Variants in KPNA4 observed in about 807,000 individuals in gnomAD.
The protein encoded by KPNA4 is karyopherin subunit alpha 4.
KPNA4 carries 13 observed loss-of-function variants against 71.3 expected under a neutral mutation model. The observed-to-expected ratio is 0.18, with a 90% CI of 0.12 to 0.29. The LOEUF is 0.29. KPNA4 is among the 10% of genes least tolerant of loss of function. KPNA4 has a pLI of 1.00. For missense variants in KPNA4, 334 were observed against 603.2 expected, an observed-to-expected ratio of 0.55 and a Z score of 4.67; for synonymous variants, 189 against 195.2, an observed-to-expected ratio of 0.97 and a Z score of 0.26.
intron 5 of KPNA4, among the ~76,000 whole-genome samples, chr3:160,531,799 C>CT (rs113970716): frequency 2.3e-4 from 33 of 146,630 alleles, no homozygotes; most frequent in Admixed American, 5.5e-4. Flanking sequence ...ACTTTACTAC[C>CT]TTTTTTTTTT....
At chr3:160,549,193 T>C (rs1721989560) in intron 1 of KPNA4, among the ~76,000 whole-genome samples, 1 of 152,224 alleles carries the variant, frequency 6.6e-6, no homozygotes, top group Non-Finnish European at 1.5e-5. Flanking sequence ...ACTAATCCTT[T>C]ATCAGATACA....
chr3:160,521,720 C>T (rs1721352565), intron 11 of KPNA4, 59 bp downstream of exon 11: 2 of 1,480,514 alleles, frequency 1.4e-6, no homozygotes, highest in South Asian at 1.2e-5. Context: ...TCTTTGAATG[C>T]CATGCTTAAA....
intron 10 of KPNA4, among the ~76,000 whole-genome samples, chr3:160,522,480 C>T (rs952739742): frequency 4.0e-5 from 6 of 150,142 alleles, no homozygotes; most frequent in African/African-American, 7.4e-5. Context: ...TTTTTTGAGA[C>T]GGAGTCTCGC....
At chr3:160,556,738 C>G (rs1439864610) in intron 1 of KPNA4, among the ~76,000 whole-genome samples, 2 of 152,026 alleles carry the variant, frequency 1.3e-5, no homozygotes, top group African/African-American at 4.8e-5. Flanking sequence ...GGACGCTCAA[C>G]CTGTACTGTC....
At chr3:160,514,225 A>C in intron 12 of KPNA4, 44 bp from the exon 13 acceptor site, 2 of 1,395,006 alleles carry the variant, frequency 1.4e-6, no homozygotes, top group Non-Finnish European at 2.0e-6. Flanking sequence ...AAAAAATAAA[A>C]TCTGCATCTG....
intron 1 of KPNA4, among the ~76,000 whole-genome samples, chr3:160,540,357 G>T (rs553453895): frequency 9.6e-4 from 146 of 152,098 alleles, no homozygotes; most frequent in Non-Finnish European, 1.7e-3. Flanking sequence ...GAGGTTTTTT[G>T]ATAATTTGAA....
chr3:160,514,099 A>G lies in KPNA4; in HGVS notation c.1115T>C (p.Met372Thr), dbSNP rs772773319. The G allele has an allele frequency of 4.4e-6, 7 of 1,579,838 alleles. No homozygotes were observed. The highest frequency in any genetic ancestry group is 6.0e-6 in the Non-Finnish European group (7 of 1,168,900). The change falls in exon 13 of 17, where the codon ATG becomes ACG. Residue 372 changes from methionine (M) to threonine (T), a missense_variant. Transcript: ENST00000334256. The stretch of plus-strand genomic sequence containing the variant: ...TACCTTATCCAAAAGGTGTATTATC[A>G]TTGGTACAAGATTGGCATCAATTAC... ...QAVIDANLVPMIIHLLDKGDF... is the reference protein window; with the variant it reads ...QAVIDANLVPTIIHLLDKGDF...
chr3:160,512,737 C>A (rs947521677), intron 13 of KPNA4, among the ~76,000 whole-genome samples: 8 of 151,982 alleles, frequency 5.3e-5, no homozygotes, highest in South Asian at 2.1e-4. Context: ...GAGGCTGAGG[C>A]GCAAGAATCG....
Position 160,535,847 on chromosome 3 carries a change from ATCT to A in KPNA4, c.162_164del (p.Glu54del). 7.9e-7 allele frequency: 1 copy of A among 1,258,206 alleles called. No individual in the cohort carries two copies. Among genetic ancestry groups the A allele is most frequent in the Non-Finnish European group, 1.0e-6 (1 of 983,626 alleles). The allele number at this position is 1,258,206 out of a possible 1,614,324, so 77.9% of individuals were successfully genotyped here. A position where few individuals can be genotyped will look rare whatever the true frequency, so the allele number is the denominator to read the frequency against. ...CATCTATATCAGAGTCTTCACAGAT[ATCT>A]TCATGTGGTACATTCCTTCTCTTTA... On this transcript the variant is annotated inframe_deletion, in exon 3 of 17. Transcript: ENST00000334256.
At chr3:160,521,712 T>C in intron 11 of KPNA4, 67 bp downstream of exon 11, 1 of 1,432,154 alleles carries the variant, frequency 7.0e-7, no homozygotes, top group African/African-American at 1.4e-5. Flanking sequence ...ATTGTCCATC[T>C]TTGAATGCCA....
intron 10 of KPNA4, among the ~76,000 whole-genome samples, chr3:160,522,680 G>C (rs879026575): frequency 7.2e-5 from 11 of 152,042 alleles, no homozygotes; most frequent in Admixed American, 5.9e-4. Context: ...AGATGGTCTC[G>C]ATCTCCTGAC....
chr3:160,557,291 T>G (rs1722156789), intron 1 of KPNA4, among the ~76,000 whole-genome samples: 1 of 152,132 alleles, frequency 6.6e-6, no homozygotes. Context: ...ACATAGGTCT[T>G]TCGGGATAAA....
intron 16 of KPNA4, among the ~76,000 whole-genome samples, chr3:160,503,185 A>T (rs901195279): frequency 4.1e-5 from 6 of 144,896 alleles, no homozygotes; most frequent in African/African-American, 7.8e-5. Context: ...CAATCACATT[A>T]AAAAAAAATC....
At chr3:160,554,102 G>A (rs1722090914) in intron 1 of KPNA4, among the ~76,000 whole-genome samples, 1 of 152,204 alleles carries the variant, frequency 6.6e-6, no homozygotes, top group African/African-American at 2.4e-5. Context: ...CAGTGAAAAA[G>A]AGCTGCTTAG....
chr3:160,539,998 C>CTTTTT (rs376611861), intron 1 of KPNA4, among the ~76,000 whole-genome samples: 11 of 129,276 alleles, frequency 8.5e-5, no homozygotes, highest in African/African-American at 1.4e-4. Flanking sequence ...TTTTTCTTTT[C>CTTTTT]TTTTTTTTTT....
chr3:160,532,926 A>G (rs1214932245), intron 5 of KPNA4, among the ~76,000 whole-genome samples: 1 of 152,208 alleles, frequency 6.6e-6, no homozygotes, highest in Non-Finnish European at 1.5e-5. Context: ...CTATGTATTC[A>G]AACTCTATTC....
chr3:160,550,288 A>G (rs1186584679), intron 1 of KPNA4, among the ~76,000 whole-genome samples: 1 of 152,112 alleles, frequency 6.6e-6, no homozygotes, highest in African/African-American at 2.4e-5. Context: ...TTTTGTTTTG[A>G]AAGAGTCTTA....
chr3:160,515,269 T>A (rs773170473), intron 12 of KPNA4, 183 bp downstream of exon 12: 2 of 667,692 alleles, frequency 3.0e-6, no homozygotes, highest in Non-Finnish European at 5.2e-6. Flanking sequence ...CATAACTGGT[T>A]TTATGTATGA....
At chr3:160,520,371 C>T (rs1721320443) in intron 11 of KPNA4, among the ~76,000 whole-genome samples, 1 of 151,806 alleles carries the variant, frequency 6.6e-6, no homozygotes, top group Non-Finnish European at 1.5e-5. Flanking sequence ...CCTGCCTCAG[C>T]CTCCCGAGTA....
Sources: allele counts gnomAD v4.1 joint callset (sites outside exome capture counted in the v4.1 genomes callset), GRCh38; gene constraint gnomAD v4.1.1; transcripts MANE v1.5; gene names NCBI Gene and HGNC (gene_info 2026-07-23, HGNC 2026-07-21).